Variants in CHKA observed in about 807,000 individuals in gnomAD.
CHKA encodes choline kinase alpha.
A neutral mutation model predicts 60.1 loss-of-function variants in CHKA; 34 were observed. That is an observed-to-expected ratio of 0.57 (90% CI 0.43 to 0.75). The LOEUF (loss-of-function observed/expected upper bound fraction) is 0.75. Among genes scored for constraint, CHKA ranks in the 30% least tolerant of loss-of-function variants. CHKA has a pLI of 0.00. For synonymous variants in CHKA, 217 were observed against 223.1 expected, an observed-to-expected ratio of 0.97 and a Z score of 0.24; for missense variants, 563 against 561.3, an observed-to-expected ratio of 1.00 and a Z score of -0.03.
chr11:68,084,247 CAA>C (rs1280725198), intron 2 of CHKA, among the ~76,000 whole-genome samples: 3 of 74,220 alleles, frequency 4.0e-5, no homozygotes, highest in Non-Finnish European at 5.5e-5. Flanking sequence ...AACTCTGACT[CAA>C]AAAAAAAAAA....
chr11:68,105,530 A>G (rs1353445918), intron 1 of CHKA, among the ~76,000 whole-genome samples: 2 of 150,984 alleles, frequency 1.3e-5, no homozygotes, highest in African/African-American at 2.4e-5. Context: ...AAAAAAAAAA[A>G]AAAAAAAAAA....
chr11:68,054,145 C>G (rs181456286), intron 11 of CHKA, 98 bp from the exon 12 acceptor site: 2 of 1,043,706 alleles, frequency 1.9e-6, no homozygotes, highest in East Asian at 5.2e-5. Context: ...GAGCTGAGGG[C>G]ACGGACCCAT....
chr11:68,075,870 A>C (rs935820432), intron 3 of CHKA, among the ~76,000 whole-genome samples: 7 of 152,194 alleles, frequency 4.6e-5, no homozygotes, highest in Non-Finnish European at 1.0e-4. Flanking sequence ...TGTTTTGAAA[A>C]AGCTTTCAGA....
chr11:68,091,285 TA>T (rs1322087529), intron 2 of CHKA, among the ~76,000 whole-genome samples: 2 of 152,222 alleles, frequency 1.3e-5, no homozygotes, highest in Non-Finnish European at 2.9e-5. Flanking sequence ...TCTATGTAGC[TA>T]ATGAAAATAA....
At chr11:68,064,333 G>T (rs550450514) in intron 10 of CHKA, among the ~76,000 whole-genome samples, 192 bp downstream of exon 10, 1 of 152,076 alleles carries the variant, frequency 6.6e-6, no homozygotes, top group Non-Finnish European at 1.5e-5. Flanking sequence ...GCTTGAACCC[G>T]GGAGGCGGAG....
chr11:68,061,649 G>T (rs1035952664), intron 11 of CHKA: 1 of 482,524 alleles, frequency 2.1e-6, no homozygotes, highest in African/African-American at 1.9e-5. Flanking sequence ...CGAGGGTGCA[G>T]ATGCCTACAT....
At chr11:68,054,813 T>C (rs577329762) in intron 11 of CHKA, among the ~76,000 whole-genome samples, 3 of 152,172 alleles carry the variant, frequency 2.0e-5, no homozygotes, top group East Asian at 3.9e-4. Flanking sequence ...CCCTACAAGC[T>C]CCCATGGGCC....
chr11:68,113,014 G>A (rs1217023346), intron 1 of CHKA, among the ~76,000 whole-genome samples: 2 of 131,756 alleles, frequency 1.5e-5, no homozygotes, highest in Non-Finnish European at 1.6e-5. Flanking sequence ...ACCGGGAGAC[G>A]GAGCTTGCAG....
At chr11:68,090,847 C>T (rs924463328) in intron 2 of CHKA, among the ~76,000 whole-genome samples, 1 of 152,118 alleles carries the variant, frequency 6.6e-6, no homozygotes, top group African/African-American at 2.4e-5. Context: ...AACGGTGAGG[C>T]CAAATCTCTC....
chr11:68,107,248 T>C (rs1300358531), intron 1 of CHKA, among the ~76,000 whole-genome samples: 1 of 150,566 alleles, frequency 6.6e-6, no homozygotes, highest in South Asian at 2.1e-4. Context: ...TGAGACTCTG[T>C]CTCAAAAAAA....
chr11:68,111,980 G>A (rs1229115526), intron 1 of CHKA, among the ~76,000 whole-genome samples: 1 of 150,358 alleles, frequency 6.7e-6, no homozygotes, highest in Non-Finnish European at 1.5e-5. Context: ...TTGAACCTGG[G>A]AGGTGGAGGT....
intron 10 of CHKA, among the ~76,000 whole-genome samples, chr11:68,064,273 T>G (rs981597608): frequency 3.3e-5 from 5 of 152,068 alleles, no homozygotes; most frequent in African/African-American, 9.7e-5. Context: ...CTGGACATGG[T>G]GGCAGGCACC....
At chr11:68,060,033 T>C (rs1379499786) in intron 11 of CHKA, among the ~76,000 whole-genome samples, 3 of 64,798 alleles carry the variant, frequency 4.6e-5, no homozygotes, top group Non-Finnish European at 1.0e-4. Context: ...AGTTTCACTC[T>C]TTTTTTTTTG....
At chr11:68,099,698 C>A (rs1487038443) in intron 1 of CHKA, among the ~76,000 whole-genome samples, 2 of 152,164 alleles carry the variant, frequency 1.3e-5, no homozygotes, top group Non-Finnish European at 2.9e-5. Context: ...CTGGTCACAG[C>A]CAACATGGGT....
At chr11:68,078,725 G>C (rs1476944911) in intron 3 of CHKA, among the ~76,000 whole-genome samples, 1 of 152,136 alleles carries the variant, frequency 6.6e-6, no homozygotes, top group African/African-American at 2.4e-5. Flanking sequence ...AAATTGAGGA[G>C]ACATTTCCAA....
At chr11:68,081,506 A>G in intron 2 of CHKA, 49 bp from the exon 3 acceptor site, 1 of 1,431,450 alleles carries the variant, frequency 7.0e-7, no homozygotes, top group Non-Finnish European at 9.8e-7. Flanking sequence ...GGAACACTAA[A>G]CAGACACTAA....
rs1358244299 is a variant in CHKA at position 68,121,253 on chromosome 11, C to G, written c.-76G>C. 1 of 1,056,716 alleles carries G rather than the reference C, an allele frequency of 9.5e-7. No individual in the cohort carries two copies. Among genetic ancestry groups the G allele is most frequent in the Non-Finnish European group, 1.1e-6 (1 of 874,228 alleles). The allele number at this position is 1,056,716 out of a possible 1,614,324, so 65.5% of individuals were successfully genotyped here. A position where few individuals can be genotyped will look rare whatever the true frequency, so the allele number is the denominator to read the frequency against. ...GGCTCAGAGTCCGGCCGGGCGCCCCCTCGCCGCTCTCTCACTGGCAGGCCG... is the reference window on the plus strand; with the variant it reads ...GGCTCAGAGTCCGGCCGGGCGCCCCGTCGCCGCTCTCTCACTGGCAGGCCG... On this transcript the variant is annotated 5_prime_UTR_variant, in exon 1 of 12. Coordinates refer to ENST00000265689, the MANE Select transcript of CHKA (RefSeq NM_001277.3).
At chr11:68,103,729 T>C (rs953866220) in intron 1 of CHKA, among the ~76,000 whole-genome samples, 5 of 151,588 alleles carry the variant, frequency 3.3e-5, no homozygotes, top group African/African-American at 9.7e-5. Flanking sequence ...CTGGCCAACA[T>C]GGTGAAACTC....
chr11:68,096,192 C>T lies in CHKA; in HGVS notation c.462+827G>A, dbSNP rs149157509. 4.6e-5 allele frequency among the ~76,000 whole-genome samples: 7 copies of T among 151,268 alleles called. No homozygotes were observed. The East Asian group carries it at 9.9e-4, about 21-fold the overall frequency. Reference sequence around the variant, plus strand: ...CAGCCTGACCAACATGGTGAAACCCCGTCTCTACTAAAAAAGTACAAAATT... The same window carrying T: ...CAGCCTGACCAACATGGTGAAACCCTGTCTCTACTAAAAAAGTACAAAATT... On this transcript the variant is annotated intron_variant, in intron 2 of 11. Transcript: ENST00000265689.
Sources: allele counts gnomAD v4.1 joint callset (sites outside exome capture counted in the v4.1 genomes callset), GRCh38; gene constraint gnomAD v4.1.1; transcripts MANE v1.5; gene names NCBI Gene and HGNC (gene_info 2026-07-23, HGNC 2026-07-21).